The following MSN variants were observed in gnomAD, a reference collection of about 807,000 sequenced individuals.
The protein encoded by MSN is epididymis luminal protein 70.
A neutral mutation model predicts 48.0 loss-of-function variants in MSN; 2 were observed. That is an observed-to-expected ratio of 0.04 (90% CI 0.02 to 0.13). The LOEUF (loss-of-function observed/expected upper bound fraction) is 0.13, where lower values mean the gene tolerates loss of function less well. MSN is among the 10% of genes least tolerant of loss of function. The pLI is 1.00. For synonymous variants in MSN, 146 were observed against 166.9 expected, an observed-to-expected ratio of 0.87 and a Z score of 0.97; for missense variants, 267 against 470.1, an observed-to-expected ratio of 0.57 and a Z score of 3.99.
At chrX:65,633,683 C>T (rs1234554168) in intron 1 of MSN, among the ~76,000 whole-genome samples, 1 of 112,282 alleles carries the variant, frequency 8.9e-6, no homozygotes, top group African/African-American at 3.2e-5. Flanking sequence ...CCAGCCTCTT[C>T]TTCCTCTGAG....
At chrX:65,728,020 G>T in intron 3 of MSN, 111 bp downstream of exon 3, 1 of 655,502 alleles carries the variant, frequency 1.5e-6, no homozygotes. Context: ...CTGTGTTTGT[G>T]ACTGGGTGGT....
chrX:65,593,567 G>A (rs1037814514), intron 1 of MSN: 1 of 111,548 alleles, frequency 9.0e-6, no homozygotes, highest in Admixed American at 9.5e-5. Context: ...TTTTGAGAGG[G>A]AGTCTTGCTC....
At chrX:65,690,928 G>T (rs577378418) in intron 1 of MSN, among the ~76,000 whole-genome samples, 1 of 111,462 alleles carries the variant, frequency 9.0e-6, no homozygotes, top group African/African-American at 3.3e-5. Context: ...GTAGTATCCC[G>T]AGTAGAGAAT....
chrX:65,728,297 T>C (rs2071587664), intron 3 of MSN, among the ~76,000 whole-genome samples: 1 of 111,041 alleles, frequency 9.0e-6, no homozygotes, highest in Non-Finnish European at 1.9e-5. Context: ...TGTTTGTTTT[T>C]GTTTTGTTTT....
At chrX:65,721,304 C>G (rs745665609) in intron 2 of MSN, among the ~76,000 whole-genome samples, 1 of 112,574 alleles carries the variant, frequency 8.9e-6, no homozygotes, top group Admixed American at 9.4e-5. Context: ...TTGGATGGCT[C>G]ATTTAGCCTC....
Position 65,733,676 on chromosome X carries a change from C to CCT in MSN, c.795+413_795+414dup, listed in dbSNP as rs749354823. On this transcript the variant is annotated intron_variant, in intron 7 of 12. Coordinates refer to ENST00000360270, the MANE Select transcript of MSN (RefSeq NM_002444.3). ...CACATATTTGATTCCTTCCTTCCTTCCTCTCTCTCTCTCTCTCTTTCTTTT... is the reference window on the plus strand; with the variant it reads ...CACATATTTGATTCCTTCCTTCCTTCCTCTCTCTCTCTCTCTCTCTTTCTTTT... 3.2e-3 allele frequency among the ~76,000 whole-genome samples: 350 copies of CCT among 110,103 alleles called. 2 individuals carry two copies. The highest frequency in any genetic ancestry group is 0.024 in the East Asian group (85 of 3,503).
At chrX:65,603,494 A>T (rs2070254582) in intron 1 of MSN, among the ~76,000 whole-genome samples, 1 of 111,800 alleles carries the variant, frequency 8.9e-6, no homozygotes, top group South Asian at 3.7e-4. Context: ...CCTGGAAATG[A>T]CAGATCCAGG....
At chrX:65,666,429 C>T (rs184445374), upstream of MSN, among the ~76,000 whole-genome samples, 90 of 110,253 alleles carry the variant, frequency 8.2e-4, no homozygotes, top group Non-Finnish European at 1.5e-3. Flanking sequence ...CGGGTTCAAG[C>T]GATTCTCCCT....
In MSN at chrX:65,614,660, ACTCT is replaced by A. The variant is rs745867568; in HGVS notation, c.-22+26051_-22+26054del. 1.5e-4 allele frequency among the ~76,000 whole-genome samples: 9 copies of A among 58,172 alleles called. No individual in the cohort carries two copies. In the East Asian group the frequency reaches 3.6e-3, roughly 23 times the overall value. 50.5% of individuals were successfully genotyped at this position (58,172 alleles called of 115,157 possible). On this transcript the variant is annotated intron_variant, in intron 1 of 3. Coordinates refer to the MSN transcript ENST00000609672. Reference sequence around the variant, plus strand: ...TGAATCAGAGTTCATTCATGATTTGACTCTCTGTTTTTTTTTTTCTTTTATTTAT... The same window carrying A: ...TGAATCAGAGTTCATTCATGATTTGACTGTTTTTTTTTTTCTTTTATTTAT...
At chrX:65,686,419 C>T (rs2071115520) in intron 1 of MSN, among the ~76,000 whole-genome samples, 1 of 112,883 alleles carries the variant, frequency 8.9e-6, no homozygotes, top group Non-Finnish European at 1.9e-5. Flanking sequence ...GCCCACAGGC[C>T]ACTGCAGGCA....
At chrX:65,699,488 G>A (rs1346643911) in intron 1 of MSN, among the ~76,000 whole-genome samples, 1 of 111,983 alleles carries the variant, frequency 8.9e-6, no homozygotes, top group Non-Finnish European at 1.9e-5. Flanking sequence ...GGTGGCTCAC[G>A]CCTGTAATCC....
chrX:65,712,733 C>T (rs1345199793), intron 1 of MSN, among the ~76,000 whole-genome samples: 1 of 110,723 alleles, frequency 9.0e-6, no homozygotes, highest in East Asian at 2.8e-4. Flanking sequence ...AAGTGTCTTC[C>T]GTGAGCATGA....
Position 65,735,289 on chromosome X carries a change from G to A in MSN, c.818G>A (p.Arg273Gln), listed in dbSNP as rs867353730. Residue 273 changes from arginine (R) to glutamine (Q), a missense_variant, in exon 8 of 13, where the codon CGG becomes CAG. By Grantham distance (43) the Arg-to-Gln change is conservative (BLOSUM62 1). Coordinates refer to ENST00000360270, the MANE Select transcript of MSN (RefSeq NM_002444.3). ...KAPDFVFYAP[R>Q]LRINKRILAL... ...CAGGACTTCGTCTTCTATGCTCCCC[G>A]GCTGCGGATTAACAAGCGGATCTTG... 3 of 1,210,441 alleles carry A rather than the reference G, an allele frequency of 2.5e-6. No individual in the cohort carries two copies. The highest frequency in any genetic ancestry group is 3.4e-6 in the Non-Finnish European group (3 of 895,108).
intron 7 of MSN, among the ~76,000 whole-genome samples, chrX:65,734,997 A>T (rs1361833250): frequency 1.8e-5 from 2 of 112,065 alleles, no homozygotes; most frequent in African/African-American, 6.5e-5. Context: ...AGATTGAAAG[A>T]AATTGTGGTT....
At chrX:65,612,877 C>T (rs2070333277) in intron 1 of MSN, among the ~76,000 whole-genome samples, 1 of 101,338 alleles carries the variant, frequency 9.9e-6, no homozygotes, top group Admixed American at 1.1e-4. Context: ...GGGGGGGGTA[C>T]GATACAACTT....
chrX:65,710,636 A>G (rs1450856870), intron 1 of MSN, among the ~76,000 whole-genome samples: 5 of 112,208 alleles, frequency 4.5e-5, no homozygotes, highest in African/African-American at 1.6e-4. Flanking sequence ...ACCAACTCTT[A>G]GGCTGTGGAG....
chrX:65,727,971 G>T (rs752993870), intron 3 of MSN, 62 bp downstream of exon 3: 27 of 1,036,768 alleles, frequency 2.6e-5, no homozygotes, highest in Non-Finnish European at 3.5e-5. Flanking sequence ...TTCCTGGGAG[G>T]GTACCATGTG....
intron 1 of MSN, among the ~76,000 whole-genome samples, chrX:65,621,137 A>G (rs1396147442): frequency 1.8e-5 from 2 of 110,716 alleles, no homozygotes; most frequent in African/African-American, 6.6e-5. Context: ...GGATGGTCTC[A>G]ATCTCCTGAT....
chrX:65,640,716 G>A lies in MSN; in HGVS notation c.-22+52104G>A, dbSNP rs753395772. 5.4e-5 allele frequency among the ~76,000 whole-genome samples: 6 copies of A among 112,049 alleles called. No individual in the cohort carries two copies. The East Asian group carries it at 1.7e-3, about 31-fold the overall frequency. On this transcript the variant is annotated intron_variant, in intron 1 of 3. Coordinates refer to the MSN transcript ENST00000609672. ...TCAGTCTAGTAGGAAGCAGAGGGGA[G>A]TGGGTAGCAGATGGTGAGTTCTGAT...
Sources: allele counts gnomAD v4.1 joint callset (sites outside exome capture counted in the v4.1 genomes callset), GRCh38; gene constraint gnomAD v4.1.1; transcripts MANE v1.5; gene names NCBI Gene and HGNC (gene_info 2026-07-23, HGNC 2026-07-21).